The following TBC1D5 variants were observed in gnomAD, a reference collection of about 807,000 sequenced individuals.
The protein encoded by TBC1D5 is TBC1 domain family member 5.
Under a neutral mutation model 100.3 loss-of-function variants are expected in TBC1D5, and 75 were observed. The observed-to-expected ratio is 0.75, with a 90% CI of 0.62 to 0.91. The LOEUF is 0.91. Ranked by LOEUF, TBC1D5 falls within the 40% of genes least tolerant of loss-of-function variation. The pLI, the probability that TBC1D5 is intolerant of heterozygous loss-of-function variation, is 0.00. For synonymous variants in TBC1D5, 323 were observed against 325.6 expected (o/e 0.99, Z 0.09); for missense variants, 910 against 942.4 (o/e 0.97, Z 0.45).
At chr3:17,185,193 C>T (rs772673188) in exon 19 of TBC1D5, 2 of 1,612,958 alleles carry the variant, frequency 1.2e-6, no homozygotes, top group South Asian at 1.1e-5. Context: ...GAAATTTGGG[C>T]TTCTAATTCT....
At chr3:17,208,531 A>G (rs1028377434) in intron 18 of TBC1D5, among the ~76,000 whole-genome samples, 2 of 152,214 alleles carry the variant, frequency 1.3e-5, no homozygotes, top group Non-Finnish European at 2.9e-5. Context: ...ATAAGATAAA[A>G]CTATTACTTG....
chr3:17,329,451 G>C (rs2086608146), intron 13 of TBC1D5, among the ~76,000 whole-genome samples: 1 of 152,026 alleles, frequency 6.6e-6, no homozygotes, highest in African/African-American at 2.4e-5. Context: ...AATTTTATGG[G>C]AACTTGGTGG....
intron 1 of TBC1D5, among the ~76,000 whole-genome samples, chr3:17,694,467 C>T (rs1354556188): frequency 3.9e-5 from 6 of 152,004 alleles, no homozygotes; most frequent in South Asian, 4.2e-4. Context: ...CGTCAACAGC[C>T]GATTTGATCA....
chr3:17,604,902 C>T (rs552454694), intron 2 of TBC1D5, among the ~76,000 whole-genome samples: 13 of 152,120 alleles, frequency 8.5e-5, no homozygotes, highest in Non-Finnish European at 1.8e-4. Flanking sequence ...ACTCCAACTC[C>T]GGGCCTCAAG....
At chr3:17,607,205 T>C (rs1280750047) in intron 2 of TBC1D5, among the ~76,000 whole-genome samples, 1 of 152,216 alleles carries the variant, frequency 6.6e-6, no homozygotes, top group East Asian at 1.9e-4. Context: ...TAGATGAACG[T>C]AATACAATCC....
intron 3 of TBC1D5, among the ~76,000 whole-genome samples, chr3:17,429,565 C>T (rs966474983): frequency 4.5e-4 from 68 of 151,714 alleles, no homozygotes; most frequent in African/African-American, 1.6e-3. Context: ...TTTGAACAAC[C>T]GAAGGTGCAA....
intron 18 of TBC1D5, among the ~76,000 whole-genome samples, chr3:17,199,966 T>G (rs2071255911): frequency 6.6e-6 from 1 of 152,168 alleles, no homozygotes; most frequent in African/African-American, 2.4e-5. Flanking sequence ...AATGTGACCA[T>G]GAAAGCCAGA....
intron 1 of TBC1D5, among the ~76,000 whole-genome samples, chr3:17,710,542 C>T (rs2074610202): frequency 6.6e-6 from 1 of 150,674 alleles, no homozygotes; most frequent in Non-Finnish European, 1.5e-5. Context: ...CCAGCCTGGG[C>T]AACAAGAGCA....
intron 1 of TBC1D5, among the ~76,000 whole-genome samples, chr3:17,666,198 G>A (rs1407501994): frequency 6.6e-6 from 1 of 152,054 alleles, no homozygotes; most frequent in African/African-American, 2.4e-5. Context: ...AACTACACAT[G>A]ACAAATTTTT....
intron 2 of TBC1D5, among the ~76,000 whole-genome samples, chr3:17,595,026 T>C (rs1202513488): frequency 6.6e-6 from 1 of 152,110 alleles, no homozygotes; most frequent in African/African-American, 2.4e-5. Context: ...ACAGCTAGAA[T>C]ATAAGCAGGC....
intron 1 of TBC1D5, among the ~76,000 whole-genome samples, chr3:17,738,334 C>A (rs574102396): frequency 5.1e-4 from 77 of 152,224 alleles, no homozygotes; most frequent in African/African-American, 1.8e-3. Context: ...CACAGAATAT[C>A]TATCACTTAC....
intron 3 of TBC1D5, among the ~76,000 whole-genome samples, chr3:17,461,859 T>G (rs2095217358): frequency 6.6e-6 from 1 of 152,146 alleles, no homozygotes; most frequent in Non-Finnish European, 1.5e-5. Flanking sequence ...TCCCTATCTA[T>G]GCTTTAAATT....
chr3:17,312,924 ATT>A (rs766836012), intron 13 of TBC1D5, among the ~76,000 whole-genome samples: 12 of 152,058 alleles, frequency 7.9e-5, no homozygotes, highest in East Asian at 3.8e-4. Context: ...ATGCTTGAAC[ATT>A]TTCTCTCTCC....
chr3:17,466,020 A>G (rs764086844), intron 3 of TBC1D5, among the ~76,000 whole-genome samples: 12 of 152,224 alleles, frequency 7.9e-5, no homozygotes, highest in Non-Finnish European at 1.0e-4. Flanking sequence ...TGATATGGAC[A>G]ACTGGTGGCA....
At chr3:17,182,838 C>T (rs2068599430) in intron 19 of TBC1D5, among the ~76,000 whole-genome samples, 1 of 151,822 alleles carries the variant, frequency 6.6e-6, no homozygotes. Flanking sequence ...CTTATTACCC[C>T]CATTTTTCTA....
chr3:17,663,332 T>TA (rs959287701), intron 1 of TBC1D5, among the ~76,000 whole-genome samples: 6 of 150,722 alleles, frequency 4.0e-5, no homozygotes, highest in South Asian at 4.2e-4. Context: ...CTCACTAGTT[T>TA]AAAAAAAAAT....
chr3:17,357,099 C>T (rs371936291), intron 13 of TBC1D5, among the ~76,000 whole-genome samples: 15 of 152,096 alleles, frequency 9.9e-5, no homozygotes, highest in East Asian at 5.8e-4. Context: ...GCCTGCCTTC[C>T]TGCATTATGT....
intron 2 of TBC1D5, among the ~76,000 whole-genome samples, chr3:17,591,722 C>A (rs1215643997): frequency 6.6e-6 from 1 of 152,172 alleles, no homozygotes; most frequent in East Asian, 1.9e-4. Flanking sequence ...TGGCTGAACC[C>A]CCACATTGGC....
At chr3:17,161,098 T>G (rs985203162) in exon 22 of TBC1D5, 1 of 1,614,096 alleles carries the variant, frequency 6.2e-7, no homozygotes, top group African/African-American at 1.3e-5. Flanking sequence ...GGGAGCAGAC[T>G]GGGGCCTGGC....
Sources: gnomAD v4.1 joint callset for allele counts (sites outside exome capture counted in the v4.1 genomes callset) on GRCh38, gnomAD v4.1.1 for gene constraint, MANE v1.5 for transcripts, NCBI Gene and HGNC (gene_info 2026-07-23, HGNC 2026-07-21) for gene names.